GALNT13: variants seen among roughly 807,000 people sequenced by gnomAD.
GALNT13 encodes the protein polypeptide N-acetylgalactosaminyltransferase 13, also known as UDP-GalNAc:polypeptide N-acetylgalactosaminyltransferase 13.
GALNT13 carries 28 observed loss-of-function variants against 64.2 expected under a neutral mutation model. That is an observed-to-expected ratio of 0.44 (90% CI 0.32 to 0.60). GALNT13 has a LOEUF of 0.60. Ranked by LOEUF, GALNT13 falls within the 20% of genes least tolerant of loss-of-function variation. The probability of loss-of-function intolerance (pLI) is 0.05; values close to 1 mark genes in which losing one functional copy is unlikely to be tolerated. For missense variants in GALNT13, 577 were observed against 669.8 expected (o/e 0.86, Z 1.53); for synonymous variants, 214 against 224.6 (o/e 0.95, Z 0.42).
chr2:153,236,198 C>A, the GALNT13 span, among the ~76,000 whole-genome samples: 6 of 152,062 alleles, frequency 3.9e-5, no homozygotes, highest in Admixed American at 1.3e-4. Flanking sequence ...GAGGTTGGTT[C>A]ATGAAGTTAA....
At chr2:153,897,187 A>G (rs1229741849) in intron 1 of GALNT13, among the ~76,000 whole-genome samples, 1 of 152,166 alleles carries the variant, frequency 6.6e-6, no homozygotes, top group Non-Finnish European at 1.5e-5. Flanking sequence ...TTTTAATGCA[A>G]TATTCACAAT....
intron 8 of GALNT13, 148 bp from the exon 9 acceptor site, chr2:154,301,261 G>C (rs1052233849): frequency 6.6e-6 from 4 of 605,406 alleles, no homozygotes; most frequent in African/African-American, 5.5e-5. Flanking sequence ...CGCATCCTTT[G>C]CCAAAAGTAA....
chr2:154,200,236 T>C (rs977328090), intron 4 of GALNT13, among the ~76,000 whole-genome samples: 51 of 152,086 alleles, frequency 3.4e-4, no homozygotes, highest in Non-Finnish European at 7.4e-4. Context: ...ATTTAACTTA[T>C]GTAATGCATA....
chr2:154,070,721 C>T (rs996085724), intron 3 of GALNT13, among the ~76,000 whole-genome samples: 8 of 151,842 alleles, frequency 5.3e-5, no homozygotes, highest in Admixed American at 5.3e-4. Flanking sequence ...AGTTCAAGAC[C>T]AGCCTGGACA....
the GALNT13 span, among the ~76,000 whole-genome samples, chr2:153,431,654 A>G: frequency 6.6e-6 from 1 of 152,202 alleles, no homozygotes; most frequent in Non-Finnish European, 1.5e-5. Context: ...TCTACTGGAC[A>G]GACAATTAGC....
At chr2:153,635,407 T>TATATATACACATATATATGTATAC in the GALNT13 span, among the ~76,000 whole-genome samples, 5 of 147,470 alleles carry the variant, frequency 3.4e-5, no homozygotes, top group African/African-American at 1.2e-4. Flanking sequence ...TGTATATATA[T>TATATATACACATATATATGTATAC]ATATATATAC....
chr2:153,631,658 G>GT, the GALNT13 span, among the ~76,000 whole-genome samples: 2 of 152,076 alleles, frequency 1.3e-5, no homozygotes, highest in Non-Finnish European at 2.9e-5. Flanking sequence ...TGATGGGGTT[G>GT]TTTTTTTCTT....
intron 9 of GALNT13, among the ~76,000 whole-genome samples, chr2:154,318,609 C>G (rs1242198859): frequency 6.6e-6 from 1 of 151,760 alleles, no homozygotes; most frequent in African/African-American, 2.4e-5. Context: ...CCTGTAATCC[C>G]AGCTACTTGG....
At chr2:154,426,940 T>C (rs1426137471) in intron 11 of GALNT13, among the ~76,000 whole-genome samples, 2 of 152,332 alleles carry the variant, frequency 1.3e-5, no homozygotes, top group East Asian at 3.9e-4. Context: ...ACAGTTTCCA[T>C]AGGGATTCAA....
chr2:154,339,144 C>T (rs1441572255), intron 9 of GALNT13, among the ~76,000 whole-genome samples: 2 of 152,116 alleles, frequency 1.3e-5, no homozygotes, highest in African/African-American at 4.8e-5. Flanking sequence ...CCTGCTCTTA[C>T]ACTCTGAATT....
the GALNT13 span, among the ~76,000 whole-genome samples, chr2:153,456,358 C>G: frequency 9.3e-4 from 142 of 152,224 alleles, no homozygotes; most frequent in South Asian, 4.8e-3. Context: ...AAAATGGGCC[C>G]TTTCTAGGCT....
chr2:153,870,965 T>C (rs149012354), upstream of GALNT13, among the ~76,000 whole-genome samples: 4 of 152,190 alleles, frequency 2.6e-5, no homozygotes, highest in East Asian at 1.9e-4. Flanking sequence ...AAGCAGGCAC[T>C]TGAACTCGGC....
At chr2:154,281,258 C>G (rs745999960) in intron 8 of GALNT13, among the ~76,000 whole-genome samples, 1 of 152,134 alleles carries the variant, frequency 6.6e-6, no homozygotes, top group Non-Finnish European at 1.5e-5. Flanking sequence ...TTTCTAATAT[C>G]TGACAGATGG....
At chr2:154,331,819 C>CT (rs1695183761) in intron 9 of GALNT13, among the ~76,000 whole-genome samples, 2 of 151,832 alleles carry the variant, frequency 1.3e-5, no homozygotes, top group South Asian at 4.1e-4. Context: ...CCCCATATAT[C>CT]TAGCTCTTGG....
At chr2:154,052,192 A>G (rs758336980) in intron 3 of GALNT13, among the ~76,000 whole-genome samples, 2 of 152,186 alleles carry the variant, frequency 1.3e-5, no homozygotes, top group Non-Finnish European at 2.9e-5. Flanking sequence ...TAATATCATC[A>G]GTGCTTGCTA....
intron 4 of GALNT13, among the ~76,000 whole-genome samples, chr2:154,182,852 C>T (rs1441856324): frequency 2.6e-5 from 4 of 152,064 alleles, no homozygotes; most frequent in East Asian, 1.9e-4. Context: ...TACCAGACTG[C>T]GCCATTTGTT....
At chr2:153,324,771 T>G in the GALNT13 span, among the ~76,000 whole-genome samples, 7 of 152,328 alleles carry the variant, frequency 4.6e-5, no homozygotes, top group East Asian at 1.3e-3. Context: ...TCTGTTTATG[T>G]GATGGATTAT....
At chr2:154,204,876 G>A (rs1458607276) in intron 4 of GALNT13, among the ~76,000 whole-genome samples, 1 of 152,170 alleles carries the variant, frequency 6.6e-6, no homozygotes, top group Non-Finnish European at 1.5e-5. Context: ...TTCATTGAGA[G>A]TTAGCTGTTT....
rs1357199187 is a variant in GALNT13, at chr2:153,906,891, A to C, written c.-105+5884A>C. Among the ~76,000 whole-genome samples, 3 of 151,026 alleles carry C rather than the reference A, an allele frequency of 2.0e-5. No individual in the cohort carries two copies. The East Asian group carries it at 5.8e-4, about 29-fold the overall frequency. ...TGTAAAAGTGTTCCTATTTCTCCAC[A>C]TCCTCTCCAGCACCTGTTGTTTCCT... On this transcript the variant is annotated intron_variant, in intron 2 of 12. Transcript: ENST00000392825.
Sources: allele counts gnomAD v4.1 joint callset (sites outside exome capture counted in the v4.1 genomes callset), GRCh38; gene constraint gnomAD v4.1.1; transcripts MANE v1.5; gene names NCBI Gene and HGNC (gene_info 2026-07-23, HGNC 2026-07-21).